Variants in SUPT3H observed in about 807,000 individuals in gnomAD.
The protein encoded by SUPT3H is transcription initiation protein SPT3 homolog.
Under a neutral mutation model 44.3 loss-of-function variants are expected in SUPT3H, and 44 were observed. The ratio of observed to expected loss-of-function variants is 0.99; its 90% CI spans 0.78 to 1.28. The LOEUF is 1.28. Ranked by LOEUF, SUPT3H falls within the 50% of genes most tolerant of loss-of-function variation. SUPT3H has a pLI of 0.00. For missense variants in SUPT3H, 380 were observed against 387.1 expected (o/e 0.98, Z 0.15); for synonymous variants, 124 against 125.6 (o/e 0.99, Z 0.09).
At chr6:45,216,430 G>C (rs1188934508) in intron 2 of SUPT3H, among the ~76,000 whole-genome samples, 2 of 152,148 alleles carry the variant, frequency 1.3e-5, no homozygotes, top group African/African-American at 4.8e-5. Flanking sequence ...AAAATGATAA[G>C]AGTAAGCCCT....
intron 2 of SUPT3H, among the ~76,000 whole-genome samples, chr6:45,130,968 C>T (rs992419261): frequency 2.8e-4 from 43 of 151,846 alleles, no homozygotes; most frequent in African/African-American, 9.7e-4. Flanking sequence ...TTGCCAGCCT[C>T]GGTCTCCCAA....
At chr6:44,954,332 G>C (rs1267665421) in intron 8 of SUPT3H, among the ~76,000 whole-genome samples, 163 bp downstream of exon 8, 1 of 152,132 alleles carries the variant, frequency 6.6e-6, no homozygotes, top group East Asian at 1.9e-4. Context: ...AGGATGCAGA[G>C]ACACATAACT....
chr6:45,236,737 T>C (rs1769235639), intron 2 of SUPT3H, among the ~76,000 whole-genome samples: 1 of 150,846 alleles, frequency 6.6e-6, no homozygotes, highest in African/African-American at 2.4e-5. Flanking sequence ...CCTGTTAGAA[T>C]ACACCCCCCG....
At chr6:45,029,041 C>A (rs1055340113) in intron 3 of SUPT3H, among the ~76,000 whole-genome samples, 2 of 151,520 alleles carry the variant, frequency 1.3e-5, no homozygotes, top group Non-Finnish European at 1.5e-5. Context: ...CTAAAGTTAA[C>A]ATTCAGAATA....
intron 10 of SUPT3H, among the ~76,000 whole-genome samples, chr6:44,853,617 GA>G (rs1773262445): frequency 6.6e-6 from 1 of 152,088 alleles, no homozygotes; most frequent in Non-Finnish European, 1.5e-5. Context: ...ATTAACAGGA[GA>G]AAAAAACTTA....
At chr6:45,158,695 GA>G (rs1375905946) in intron 2 of SUPT3H, among the ~76,000 whole-genome samples, 7 of 152,184 alleles carry the variant, frequency 4.6e-5, no homozygotes, top group African/African-American at 1.7e-4. Context: ...ATGGCTTCCA[GA>G]AATATTCCTA....
chr6:45,132,958 CT>C (rs1231263994), intron 2 of SUPT3H, among the ~76,000 whole-genome samples: 7 of 152,008 alleles, frequency 4.6e-5, no homozygotes, highest in Admixed American at 4.6e-4. Flanking sequence ...CTAGGTCTGT[CT>C]GAGTACACAT....
chr6:44,867,491 GAT>G (rs1334861984), intron 10 of SUPT3H, among the ~76,000 whole-genome samples: 1 of 152,098 alleles, frequency 6.6e-6, no homozygotes, highest in Admixed American at 6.5e-5. Flanking sequence ...TTCTACTATA[GAT>G]ATGATTGATT....
chr6:45,271,442 G>C (rs1776128702), intron 2 of SUPT3H, among the ~76,000 whole-genome samples: 2 of 152,318 alleles, frequency 1.3e-5, no homozygotes, highest in South Asian at 4.1e-4. Context: ...TATAGCTCGG[G>C]CTGTGGCTTT....
At chr6:45,302,945 G>A (rs1434226815) in intron 2 of SUPT3H, among the ~76,000 whole-genome samples, 1 of 152,090 alleles carries the variant, frequency 6.6e-6, no homozygotes, top group Non-Finnish European at 1.5e-5. Flanking sequence ...CAATGGAACA[G>A]AAGAGAGAAG....
At chr6:45,034,251 A>C (rs957955451) in intron 3 of SUPT3H, among the ~76,000 whole-genome samples, 10 of 152,058 alleles carry the variant, frequency 6.6e-5, no homozygotes, top group Admixed American at 1.3e-4. Context: ...AGAGAAGCCC[A>C]CCTGATAGGG....
intron 3 of SUPT3H, among the ~76,000 whole-genome samples, chr6:45,078,123 T>G (rs1033672562): frequency 1.5e-4 from 23 of 152,330 alleles, no homozygotes; most frequent in African/African-American, 5.5e-4. Context: ...TCTGCCCGCC[T>G]TGGCCTCCCA....
At chr6:45,152,088 T>C (rs1726848714) in intron 2 of SUPT3H, among the ~76,000 whole-genome samples, 2 of 152,206 alleles carry the variant, frequency 1.3e-5, no homozygotes, top group African/African-American at 4.8e-5. Context: ...CTATGCTAAC[T>C]TTTCCCCAGA....
At chr6:44,932,605 T>G (rs1770758549) in intron 10 of SUPT3H, 48 bp downstream of exon 10, 3 of 1,352,728 alleles carry the variant, frequency 2.2e-6, no homozygotes, top group Non-Finnish European at 1.0e-6. Context: ...AAAATCAAAA[T>G]TCTTTCATAT....
chr6:45,311,760 TGA>T (rs1783992839), intron 2 of SUPT3H, among the ~76,000 whole-genome samples: 1 of 152,154 alleles, frequency 6.6e-6, no homozygotes, highest in Admixed American at 6.5e-5. Flanking sequence ...AGACAAATGC[TGA>T]GAGAATTCAC....
At chr6:45,322,832 A>C (rs769645214) in intron 2 of SUPT3H, 2 of 1,475,806 alleles carry the variant, frequency 1.4e-6, no homozygotes, top group East Asian at 4.5e-5. Flanking sequence ...CTCCAACCAC[A>C]GTTAGATTCA....
intron 6 of SUPT3H, among the ~76,000 whole-genome samples, chr6:44,963,065 G>GTA (rs1374112689): frequency 8.6e-5 from 13 of 150,722 alleles, no homozygotes; most frequent in African/African-American, 2.2e-4. Flanking sequence ...ATATGTATGT[G>GTA]TATATATATA....
intron 2 of SUPT3H, among the ~76,000 whole-genome samples, chr6:45,188,321 G>A (rs1006057655): frequency 1.3e-5 from 2 of 152,178 alleles, no homozygotes; most frequent in Non-Finnish European, 2.9e-5. Context: ...TAGTAAGAAC[G>A]AATCTTCTAT....
chr6:45,240,547 C>T (rs1002153819), intron 2 of SUPT3H, among the ~76,000 whole-genome samples: 1 of 152,156 alleles, frequency 6.6e-6, no homozygotes, highest in Non-Finnish European at 1.5e-5. Flanking sequence ...TTGGACCTGG[C>T]CAGAAATAAT....
Sources: gnomAD v4.1 joint callset for allele counts (sites outside exome capture counted in the v4.1 genomes callset) on GRCh38, gnomAD v4.1.1 for gene constraint, MANE v1.5 for transcripts, NCBI Gene and HGNC (gene_info 2026-07-23, HGNC 2026-07-21) for gene names.